The following HOXC4 variants were observed in gnomAD, a reference collection of about 807,000 sequenced individuals.
The protein encoded by HOXC4 is homeobox protein Hox-C4.
A neutral mutation model predicts 25.5 loss-of-function variants in HOXC4; 15 were observed. That is an observed-to-expected ratio of 0.59 (90% confidence interval 0.39 to 0.91). The LOEUF (loss-of-function observed/expected upper bound fraction) is 0.91. Among genes scored for constraint, HOXC4 ranks in the 40% least tolerant of loss-of-function variants. HOXC4 has a pLI of 0.00. For missense variants in HOXC4, 342 were observed against 352.4 expected, an observed-to-expected ratio of 0.97 and a Z score of 0.24; for synonymous variants, 165 against 148.0, an observed-to-expected ratio of 1.11 and a Z score of -0.83.
chr12:54,052,597 C>A (rs1260424475), upstream of HOXC4, among the ~76,000 whole-genome samples: 1 of 143,626 alleles, frequency 7.0e-6, no homozygotes, highest in Non-Finnish European at 1.5e-5. Flanking sequence ...GTTAGGAAAG[C>A]AGCTTTTCCT....
chr12:54,034,912 T>G, intron 1 of HOXC4: 3 of 221,658 alleles, frequency 1.4e-5, no homozygotes, highest in East Asian at 1.1e-4. Flanking sequence ...CTCTCCTTTG[T>G]TCCCGGCTGG....
At chr12:54,023,166 G>C (rs1193948582) in intron 1 of HOXC4, among the ~76,000 whole-genome samples, 2 of 152,202 alleles carry the variant, frequency 1.3e-5, no homozygotes, top group Non-Finnish European at 2.9e-5. Context: ...GCTTGGAATA[G>C]AGGTGGGAGG....
In HOXC4 at chr12:54,028,771, C is replaced by T. The variant is rs767298048; in HGVS notation, c.-124+11357C>T. Reference sequence around the variant, plus strand: ...TTCCTTTTACCAGGAGAAAGACATGCTCTCAAACTGCAGACAAAACACCTT... The same window carrying T: ...TTCCTTTTACCAGGAGAAAGACATGTTCTCAAACTGCAGACAAAACACCTT... On this transcript the variant is annotated intron_variant, in intron 1 of 3. Coordinates refer to the HOXC4 transcript ENST00000303406. 4.3e-6 allele frequency: 7 copies of T among 1,614,044 alleles called. No homozygotes were observed. The East Asian group carries it at 1.6e-4, about 36-fold the overall frequency.
chr12:54,046,109 G>A (rs1332421879), intron 1 of HOXC4, among the ~76,000 whole-genome samples: 1 of 152,004 alleles, frequency 6.6e-6, no homozygotes, highest in Non-Finnish European at 1.5e-5. Flanking sequence ...GTTTTTATAG[G>A]GTGCCCAAAT....
intron 1 of HOXC4, chr12:54,020,341 C>CG (rs1940378392): frequency 6.6e-6 from 1 of 151,668 alleles, no homozygotes; most frequent in African/African-American, 2.4e-5. Context: ...GGCTTGCCTG[C>CG]CCCCCTTATA....
Position 54,055,941 on chromosome 12 carries a change from G to A in HOXC4, c.*736G>A, listed in dbSNP as rs1351462952. Reference sequence around the variant, plus strand: ...TTGTGTTTTTGGACTGAATTTACTTGATTATTGTAAAACTTGCAATAAAGA... The same window carrying A: ...TTGTGTTTTTGGACTGAATTTACTTAATTATTGTAAAACTTGCAATAAAGA... On this transcript the variant is annotated 3_prime_UTR_variant, in exon 2 of 2. Coordinates refer to ENST00000430889, the MANE Select transcript of HOXC4 (RefSeq NM_153633.3). The A allele has an allele frequency of 2.0e-5, 3 of 152,722 alleles. No individual in the cohort carries two copies. The highest frequency in any genetic ancestry group is 7.2e-5 in the African/African-American group (3 of 41,562). 9.5% of individuals were successfully genotyped at this position (152,722 alleles called of 1,614,324 possible). A position where few individuals can be genotyped will look rare whatever the true frequency, so the allele number is the denominator to read the frequency against.
At chr12:54,029,104 C>A (rs1451403623) in intron 1 of HOXC4, among the ~76,000 whole-genome samples, 6 of 151,494 alleles carry the variant, frequency 4.0e-5, no homozygotes, top group Non-Finnish European at 8.8e-5. Flanking sequence ...CTTGCAGGGG[C>A]CTGGCCCCCT....
rs1941108475 is a variant in HOXC4, at chr12:54,034,147, C to T, written c.-124+16733C>T. 3 of 896,176 alleles carry T rather than the reference C, an allele frequency of 3.3e-6. No homozygotes were observed. In the East Asian group the frequency reaches 7.5e-5, roughly 22 times the overall value. The allele number at this position is 896,176 out of a possible 1,614,324, so 55.5% of individuals were successfully genotyped here. On this transcript the variant is annotated intron_variant, in intron 1 of 3. Transcript: ENST00000303406. ...GGGCTGGGCTGGCCCGCCTGCGGCC[C>T]GCGTGGCCTGTCTTGCGGCTCTCGC...
exon 1 of HOXC4, chr12:54,017,249 T>C (rs1940195358): frequency 6.6e-6 from 1 of 152,170 alleles, no homozygotes; most frequent in Admixed American, 6.5e-5. Context: ...TTTGTTTGGC[T>C]TTTGGATGAT....
chr12:54,031,997 C>T (rs2136444118), intron 1 of HOXC4, among the ~76,000 whole-genome samples: 1 of 152,336 alleles, frequency 6.6e-6, no homozygotes, highest in South Asian at 2.1e-4. Flanking sequence ...TTTTCCTCTG[C>T]CATGCTCACG....
At chr12:54,029,030 T>G in intron 1 of HOXC4, 1 of 1,064,784 alleles carries the variant, frequency 9.4e-7, no homozygotes, top group East Asian at 2.5e-5. Context: ...ATAAAAACAA[T>G]CACGCTCGTC....
intron 1 of HOXC4, among the ~76,000 whole-genome samples, chr12:54,045,699 C>A (rs1937685765): frequency 6.6e-6 from 1 of 152,182 alleles, no homozygotes; most frequent in Non-Finnish European, 1.5e-5. Flanking sequence ...CTCTCTGTCT[C>A]CCTCTCTATC....
intron 1 of HOXC4, chr12:54,032,795 C>CTT (rs113659413): frequency 1.9e-5 from 3 of 157,146 alleles, no homozygotes; most frequent in Non-Finnish European, 1.3e-5. Context: ...TTCCAAGAAC[C>CTT]TTTTTTTTTT....
intron 1 of HOXC4, among the ~76,000 whole-genome samples, chr12:54,040,363 C>G (rs796516911): frequency 6.6e-6 from 1 of 152,218 alleles, no homozygotes; most frequent in Non-Finnish European, 1.5e-5. Context: ...TCTTCCCATC[C>G]GGCCCTGTTC....
At chr12:54,028,854 T>C (rs1255748543) in intron 1 of HOXC4, 13 of 1,614,058 alleles carry the variant, frequency 8.1e-6, no homozygotes, top group Non-Finnish European at 1.1e-5. Context: ...AGGGCAGGAC[T>C]GCGCCCCAGG....
At chr12:54,034,734 C>G in intron 1 of HOXC4, 1 of 522,480 alleles carries the variant, frequency 1.9e-6, no homozygotes, top group Non-Finnish European at 3.5e-6. Context: ...ACCCGGGGCC[C>G]AGGGCAAGCT....
rs550590638 is a variant in HOXC4 at position 54,040,801 on chromosome 12, T to G, written c.-123-12359T>G. ...TGGGGTGAGAGGAGAGCCCTTTTGA[T>G]TTCTCTTTCTGGAAATGCTCCAATA... On this transcript the variant is annotated intron_variant, in intron 1 of 3. Transcript: ENST00000303406. Among the ~76,000 whole-genome samples, 10 of 152,318 alleles carry G rather than the reference T, an allele frequency of 6.6e-5. No individual in the cohort carries two copies. In the South Asian group the frequency reaches 1.9e-3, roughly 28 times the overall value.
chr12:54,040,386 C>T (rs555850987), intron 1 of HOXC4, among the ~76,000 whole-genome samples: 1 of 152,338 alleles, frequency 6.6e-6, no homozygotes, highest in South Asian at 2.1e-4. Flanking sequence ...TCCTCCCTCC[C>T]TCCCTTCCCA....
chr12:54,054,830 T>C lies in HOXC4; in HGVS notation c.440-20T>C, dbSNP rs572827452. 1.3e-6 allele frequency: 2 copies of C among 1,561,268 alleles called. No individual in the cohort carries two copies. Among genetic ancestry groups the C allele is most frequent in the South Asian group, 2.3e-5 (2 of 87,140 alleles). On this transcript the variant is annotated intron_variant, in intron 1 of 1. Transcript: ENST00000430889. ...CCTGCTGCCTCTGAACCCCACTATTTGCTTTTCCCCTCCCCCCAGTGAACC... is the reference window on the plus strand; with the variant it reads ...CCTGCTGCCTCTGAACCCCACTATTCGCTTTTCCCCTCCCCCCAGTGAACC...
Sources: gnomAD v4.1 joint callset for allele counts (sites outside exome capture counted in the v4.1 genomes callset) on GRCh38, gnomAD v4.1.1 for gene constraint, MANE v1.5 for transcripts, NCBI Gene and HGNC (gene_info 2026-07-23, HGNC 2026-07-21) for gene names.